CTNNA3: variants seen among roughly 807,000 people sequenced by gnomAD.
CTNNA3 encodes catenin alpha 3, also known as catenin alpha-3.
CTNNA3 carries 76 observed loss-of-function variants against 95.7 expected under a neutral mutation model. That is an observed-to-expected ratio of 0.79 (90% CI 0.66 to 0.96). The LOEUF (loss-of-function observed/expected upper bound fraction) is 0.96. Ranked by LOEUF, CTNNA3 falls within the 40% of genes least tolerant of loss-of-function variation. The pLI is 0.00. For missense variants in CTNNA3, 1,191 were observed against 1,089.8 expected (o/e 1.09, Z -1.31); for synonymous variants, 431 against 374.4 (o/e 1.15, Z -1.74).
intron 7 of CTNNA3, among the ~76,000 whole-genome samples, chr10:66,795,603 C>T (rs117625723): frequency 6.6e-6 from 1 of 152,160 alleles, no homozygotes. Flanking sequence ...AAGTCACCAG[C>T]TGCTCTAGCC....
intron 13 of CTNNA3, among the ~76,000 whole-genome samples, chr10:66,146,771 A>C (rs947675083): frequency 1.3e-5 from 2 of 152,058 alleles, no homozygotes; most frequent in Admixed American, 6.6e-5. Flanking sequence ...TGCTCAGGCC[A>C]GTCTCAAACT....
At chr10:66,505,560 G>A (rs72791600) in intron 11 of CTNNA3, among the ~76,000 whole-genome samples, 23,131 of 151,918 alleles carry the variant, frequency 0.15, 1,826 homozygotes, top group Middle Eastern at 0.17. Context: ...TCACTGGCCT[G>A]TCCTGACAAG....
At chr10:66,331,342 GTTTTTTTT>G (rs60709020) in intron 12 of CTNNA3, among the ~76,000 whole-genome samples, 26 of 80,336 alleles carry the variant, frequency 3.2e-4, no homozygotes, top group Non-Finnish European at 5.2e-4. Context: ...CCCATTGTTT[GTTTTTTTT>G]TTTTTTTTTT....
chr10:67,727,312 G>T (rs948286524), intron 1 of CTNNA3, among the ~76,000 whole-genome samples: 31 of 129,432 alleles, frequency 2.4e-4, no homozygotes, highest in Admixed American at 3.6e-4. Context: ...TATTATATAT[G>T]ATATATTATA....
chr10:66,873,340 C>T (rs746523098), intron 7 of CTNNA3, among the ~76,000 whole-genome samples: 24 of 151,784 alleles, frequency 1.6e-4, no homozygotes, highest in Non-Finnish European at 2.6e-4. Context: ...TTCTCTGCAG[C>T]CTCAACAGCA....
chr10:67,746,662 C>G (rs535115675), intron 1 of CTNNA3, among the ~76,000 whole-genome samples: 1 of 152,156 alleles, frequency 6.6e-6, no homozygotes, highest in Non-Finnish European at 1.5e-5. Context: ...TGGGAAACCA[C>G]GCTTTTTCCA....
intron 9 of CTNNA3, among the ~76,000 whole-genome samples, chr10:66,644,901 C>T (rs1448758173): frequency 6.6e-6 from 1 of 152,134 alleles, no homozygotes; most frequent in Non-Finnish European, 1.5e-5. Flanking sequence ...CATCTCCCTC[C>T]TTCAAAATCC....
intron 10 of CTNNA3, among the ~76,000 whole-genome samples, chr10:66,576,984 A>G (rs1169940765): frequency 6.6e-6 from 1 of 150,398 alleles, no homozygotes; most frequent in Non-Finnish European, 1.5e-5. Context: ...CTGCAGCTTA[A>G]ACAGCATCTG....
chr10:66,967,921 C>G (rs746970326), intron 7 of CTNNA3, among the ~76,000 whole-genome samples: 1 of 152,002 alleles, frequency 6.6e-6, no homozygotes, highest in Non-Finnish European at 1.5e-5. Context: ...ATCTATGATT[C>G]AGTGTGTTTC....
chr10:65,957,594 A>T (rs1303804647), intron 17 of CTNNA3, among the ~76,000 whole-genome samples: 1 of 152,174 alleles, frequency 6.6e-6, no homozygotes, highest in Non-Finnish European at 1.5e-5. Context: ...GGTGGTGACA[A>T]AATATCTCAG....
rs530459110 is a variant in CTNNA3 at position 66,269,381 on chromosome 10, T to C, written c.1884+11089A>G. Reference sequence around the variant, plus strand: ...GTTTTTGGTAAATGGGAGTCGTGAATTTAATCCCAAACCATTAATTTTAGA... The same window carrying C: ...GTTTTTGGTAAATGGGAGTCGTGAACTTAATCCCAAACCATTAATTTTAGA... On this transcript the variant is annotated intron_variant, in intron 13 of 17. Coordinates refer to ENST00000433211, the MANE Select transcript of CTNNA3 (RefSeq NM_013266.4). 7.9e-5 allele frequency among the ~76,000 whole-genome samples: 12 copies of C among 152,300 alleles called. No individual in the cohort carries two copies. The East Asian group carries it at 2.3e-3, about 29-fold the overall frequency.
At chr10:66,981,627 T>C (rs1227776888) in intron 7 of CTNNA3, among the ~76,000 whole-genome samples, 4 of 152,256 alleles carry the variant, frequency 2.6e-5, no homozygotes, top group Non-Finnish European at 4.4e-5. Flanking sequence ...GGTTAATTTT[T>C]AGTACAATAT....
chr10:67,445,250 G>A (rs1846700211), intron 5 of CTNNA3, among the ~76,000 whole-genome samples: 1 of 148,232 alleles, frequency 6.7e-6, no homozygotes, highest in South Asian at 2.2e-4. Context: ...CCAAAGAAAA[G>A]CAACTTCATA....
chr10:67,366,491 A>G (rs1403347502), intron 5 of CTNNA3, among the ~76,000 whole-genome samples: 1 of 152,130 alleles, frequency 6.6e-6, no homozygotes, highest in African/African-American at 2.4e-5. Context: ...AAATACAAAA[A>G]TCAGCCAGGA....
intron 11 of CTNNA3, among the ~76,000 whole-genome samples, chr10:66,441,414 T>A (rs12256734): frequency 1.3e-5 from 2 of 151,996 alleles, no homozygotes; most frequent in South Asian, 4.1e-4. Flanking sequence ...GAAAGGAAGT[T>A]CATTTGTACA....
chr10:66,161,525 C>T (rs1269575966), intron 13 of CTNNA3, among the ~76,000 whole-genome samples: 3 of 152,166 alleles, frequency 2.0e-5, no homozygotes, highest in Admixed American at 6.6e-5. Context: ...GAAGATAGGG[C>T]CCCAATCCTT....
At chr10:67,254,647 TG>T (rs528507556) in intron 5 of CTNNA3, among the ~76,000 whole-genome samples, 34 of 152,352 alleles carry the variant, frequency 2.2e-4, no homozygotes, top group African/African-American at 6.5e-4. Flanking sequence ...TATACAATGG[TG>T]GTCCTGTAAG....
At chr10:66,884,096 T>C (rs764665662) in intron 7 of CTNNA3, among the ~76,000 whole-genome samples, 1 of 152,020 alleles carries the variant, frequency 6.6e-6, no homozygotes, top group Non-Finnish European at 1.5e-5. Context: ...GGTGCCAGGC[T>C]CTTTTTAACA....
intron 13 of CTNNA3, among the ~76,000 whole-genome samples, chr10:66,259,221 A>G (rs1021919794): frequency 6.6e-6 from 1 of 152,136 alleles, no homozygotes; most frequent in Non-Finnish European, 1.5e-5. Context: ...TCTTCTCCCC[A>G]TGAACAAGTT....
Sources: gnomAD v4.1 joint callset for allele counts (sites outside exome capture counted in the v4.1 genomes callset) on GRCh38, gnomAD v4.1.1 for gene constraint, MANE v1.5 for transcripts, NCBI Gene and HGNC (gene_info 2026-07-23, HGNC 2026-07-21) for gene names.